Variants in ARHGAP24 observed in about 807,000 individuals in gnomAD.
ARHGAP24 encodes Rho GTPase activating protein 24, also known as rho GTPase-activating protein 24.
A neutral mutation model predicts 76.4 loss-of-function variants in ARHGAP24; 50 were observed. The observed-to-expected ratio is 0.65, with a 90% CI of 0.52 to 0.83. The LOEUF (loss-of-function observed/expected upper bound fraction) is 0.83, where lower values mean the gene tolerates loss of function less well. Among genes scored for constraint, ARHGAP24 ranks in the 40% least tolerant of loss-of-function variants. ARHGAP24 has a pLI of 0.00. For synonymous variants in ARHGAP24, 345 were observed against 323.3 expected (o/e 1.07, Z -0.72); for missense variants, 930 against 914.2 (o/e 1.02, Z -0.22).
chr4:85,986,903 C>G (rs1389454789), intron 8 of ARHGAP24, among the ~76,000 whole-genome samples: 1 of 151,988 alleles, frequency 6.6e-6, no homozygotes, highest in East Asian at 1.9e-4. Context: ...TTAGTCCTCA[C>G]AAATTTTAAA....
In ARHGAP24 at chr4:85,815,655, T is replaced by C. The variant is rs11931157; in HGVS notation, c.268+93683T>C. Among the ~76,000 whole-genome samples, 1,494 of 152,330 alleles carry C rather than the reference T, an allele frequency of 9.8e-3. 28 individuals are homozygous for C. The highest frequency in any genetic ancestry group is 0.034 in the African/African-American group (1,400 of 41,576). ...TGGCTAAAGCCATTCAACGAGTCTG[T>C]AGGAAGTTCAAAACTTTCCCATATT... On this transcript the variant is annotated intron_variant, in intron 3 of 9. Transcript: ENST00000395184.
At chr4:85,879,699 TA>T (rs1459336750) in intron 3 of ARHGAP24, among the ~76,000 whole-genome samples, 1 of 151,934 alleles carries the variant, frequency 6.6e-6, no homozygotes, top group Non-Finnish European at 1.5e-5. Context: ...TGTATTTAAT[TA>T]ATTATGTAAT....
intron 1 of ARHGAP24, among the ~76,000 whole-genome samples, chr4:85,533,156 A>G (rs1277611064): frequency 6.6e-6 from 1 of 152,186 alleles, no homozygotes; most frequent in African/African-American, 2.4e-5. Flanking sequence ...GTGGCTACTC[A>G]TTATGTAAGT....
chr4:85,485,030 T>C lies in ARHGAP24; in HGVS notation c.-21+9471T>C, dbSNP rs189982731. On this transcript the variant is annotated intron_variant, in intron 1 of 9. Coordinates refer to ENST00000395184, the MANE Select transcript of ARHGAP24 (RefSeq NM_001025616.3). ...TAGAAAAGACTTGAAGGTGTTCTTT[T>C]TTGTTTTTTTCCTTAAAAAAATATT... Among the ~76,000 whole-genome samples, 1,102 of 152,094 alleles carry C rather than the reference T, an allele frequency of 7.2e-3. 14 individuals carry two copies. Among genetic ancestry groups the C allele is most frequent in the African/African-American group, 0.025 (1,043 of 41,460 alleles).
Position 85,774,926 on chromosome 4 carries a change from T to C in ARHGAP24, c.268+52954T>C, listed in dbSNP as rs1727256994. 2.0e-5 allele frequency among the ~76,000 whole-genome samples: 3 copies of C among 152,336 alleles called. No homozygotes were observed. The South Asian group carries it at 6.2e-4, about 32-fold the overall frequency. ...TGTCAAATGCCTGTTTTATACTAGA[T>C]ACTGTTCTGAACACTAAGAGCAATG... On this transcript the variant is annotated intron_variant, in intron 3 of 9. Coordinates refer to ENST00000395184, the MANE Select transcript of ARHGAP24 (RefSeq NM_001025616.3).
chr4:85,869,432 C>G (rs990375540), intron 3 of ARHGAP24, among the ~76,000 whole-genome samples: 1 of 152,054 alleles, frequency 6.6e-6, no homozygotes, highest in Non-Finnish European at 1.5e-5. Flanking sequence ...TTAGCTCTGA[C>G]TCTTAGGCAT....
At position 85,820,243 on chromosome 4, in the gene ARHGAP24, A is replaced by G. The variant is rs1355122327; in HGVS notation, c.268+98271A>G. 3.3e-5 allele frequency among the ~76,000 whole-genome samples: 5 copies of G among 152,366 alleles called. No individual in the cohort carries two copies. In the East Asian group the frequency reaches 9.6e-4, roughly 29 times the overall value. ...GGATATGGAATCAACCTAAATGCCT[A>G]TCAGCAGTAGACTGGATAAAGACAA... is the stretch of plus-strand genomic sequence containing the variant. On this transcript the variant is annotated intron_variant, in intron 3 of 9. Coordinates refer to ENST00000395184, the MANE Select transcript of ARHGAP24 (RefSeq NM_001025616.3).
chr4:85,521,453 A>AAAG (rs1287040253), intron 1 of ARHGAP24, among the ~76,000 whole-genome samples: 2 of 152,118 alleles, frequency 1.3e-5, no homozygotes, highest in African/African-American at 2.4e-5. Context: ...CTCCCTTTTT[A>AAAG]TCACCTCCAT....
At chr4:85,538,326 C>T (rs901457643) in intron 1 of ARHGAP24, among the ~76,000 whole-genome samples, 6 of 151,958 alleles carry the variant, frequency 3.9e-5, no homozygotes, top group East Asian at 1.9e-4. Context: ...TTGAGTACAC[C>T]GTAGTTATAT....
At chr4:85,906,945 G>T (rs2148795719) in intron 3 of ARHGAP24, among the ~76,000 whole-genome samples, 1 of 152,296 alleles carries the variant, frequency 6.6e-6, no homozygotes, top group African/African-American at 2.4e-5. Context: ...AAAGAAGGGA[G>T]AAAGCTTAAG....
chr4:85,917,809 T>C (rs1202700232), intron 3 of ARHGAP24, among the ~76,000 whole-genome samples: 2 of 152,142 alleles, frequency 1.3e-5, no homozygotes, highest in African/African-American at 4.8e-5. Context: ...AAAAGAAAAA[T>C]AGCAAAAGCC....
intron 1 of ARHGAP24, among the ~76,000 whole-genome samples, chr4:85,494,390 T>G (rs530156594): frequency 2.0e-5 from 3 of 152,202 alleles, no homozygotes; most frequent in Non-Finnish European, 4.4e-5. Flanking sequence ...TTTCTGTTCC[T>G]GTGTTATATG....
In ARHGAP24 at chr4:85,777,373, G is replaced by A. The variant is rs184450053; in HGVS notation, c.268+55401G>A. On this transcript the variant is annotated intron_variant, in intron 3 of 9. Coordinates refer to ENST00000395184, the MANE Select transcript of ARHGAP24 (RefSeq NM_001025616.3). ...AGAATAGGTAACAGTTTGAAAATAGGCCTTGAATGATCTGAGCATTTCTCA... is the reference window on the plus strand; with the variant it reads ...AGAATAGGTAACAGTTTGAAAATAGACCTTGAATGATCTGAGCATTTCTCA... Among the ~76,000 whole-genome samples, 151 of 152,268 alleles carry A rather than the reference G, an allele frequency of 9.9e-4. 1 individual carries two copies. The Middle Eastern group carries it at 0.01, about 10-fold the overall frequency.
chr4:85,487,721 TA>T (rs1177064007), intron 1 of ARHGAP24, among the ~76,000 whole-genome samples: 1 of 105,728 alleles, frequency 9.5e-6, no homozygotes, highest in Non-Finnish European at 1.7e-5. Flanking sequence ...TATAAATATA[TA>T]TTTATATTAT....
chr4:85,781,804 C>T (rs1982430), intron 3 of ARHGAP24, among the ~76,000 whole-genome samples: 98,288 of 151,812 alleles, frequency 0.65, 32,934 homozygotes, highest in East Asian at 0.88. Flanking sequence ...GAGGCCAAGG[C>T]GGACGAATCA....
At chr4:85,967,097 A>C (rs1473462590) in intron 5 of ARHGAP24, among the ~76,000 whole-genome samples, 3 of 151,928 alleles carry the variant, frequency 2.0e-5, no homozygotes, top group African/African-American at 4.8e-5. Flanking sequence ...TTCTTGTCAC[A>C]CTCCTTTATC....
intron 1 of ARHGAP24, among the ~76,000 whole-genome samples, chr4:85,553,581 T>C (rs75115916): frequency 1.3e-5 from 2 of 152,286 alleles, no homozygotes; most frequent in East Asian, 3.9e-4. Flanking sequence ...AGAGCACTGA[T>C]TGGTGCATTT....
chr4:85,929,226 G>A (rs1000224987), intron 4 of ARHGAP24, among the ~76,000 whole-genome samples: 5 of 152,184 alleles, frequency 3.3e-5, no homozygotes, highest in Admixed American at 3.3e-4. Flanking sequence ...TCTTAGCAGC[G>A]TGCTGTGACA....
At chr4:85,879,177 ATCAT>A (rs1396524212) in intron 3 of ARHGAP24, among the ~76,000 whole-genome samples, 2 of 152,236 alleles carry the variant, frequency 1.3e-5, no homozygotes, top group African/African-American at 4.8e-5. Context: ...AAATTTCAAC[ATCAT>A]GATCTTGTTC....
Sources: gnomAD v4.1 joint callset for allele counts (sites outside exome capture counted in the v4.1 genomes callset) on GRCh38, gnomAD v4.1.1 for gene constraint, MANE v1.5 for transcripts, NCBI Gene and HGNC (gene_info 2026-07-23, HGNC 2026-07-21) for gene names.